Variants in KDM4C observed in about 807,000 individuals in gnomAD.
KDM4C encodes lysine-specific demethylase 4C.
A neutral mutation model predicts 129.3 loss-of-function variants in KDM4C; 81 were observed. The observed-to-expected ratio is 0.63, with a 90% CI of 0.52 to 0.75. KDM4C has a LOEUF of 0.75. Among genes scored for constraint, KDM4C ranks in the 30% least tolerant of loss-of-function variants. KDM4C has a pLI of 0.00. For synonymous variants in KDM4C, 573 were observed against 456.1 expected (o/e 1.26, Z -3.26); for missense variants, 1,457 against 1,304.0 (o/e 1.12, Z -1.81).
chr9:6,863,030 G>C (rs975050936), intron 5 of KDM4C, among the ~76,000 whole-genome samples: 3 of 151,504 alleles, frequency 2.0e-5, no homozygotes, highest in African/African-American at 7.3e-5. Context: ...ACCTATTTTG[G>C]GGTACACATT....
At chr9:6,926,725 G>A (rs11788956) in intron 8 of KDM4C, among the ~76,000 whole-genome samples, 1,574 of 152,274 alleles carry the variant, frequency 0.01, 38 homozygotes, top group African/African-American at 0.035. Flanking sequence ...CAGAAATCCA[G>A]CAACATTGGG....
chr9:6,995,954 C>G (rs538502892), intron 12 of KDM4C, among the ~76,000 whole-genome samples: 16 of 152,180 alleles, frequency 1.1e-4, no homozygotes, highest in African/African-American at 3.6e-4. Context: ...AGGCGTGAGC[C>G]ACCGCGCCCG....
At position 6,734,288 on chromosome 9, in the gene KDM4C, GT is replaced by G. The variant is rs57329090; in HGVS notation, c.49+13315del. ...GGAAAGTTATGTAAACCCATGTTTG[GT>G]TTTTTTTTTTTTTTTTTTTTTTTAG... On this transcript the variant is annotated intron_variant, in intron 1 of 17. Coordinates refer to the KDM4C transcript ENST00000536108. Among the ~76,000 whole-genome samples, 870 of 110,284 alleles carry G rather than the reference GT, an allele frequency of 7.9e-3. 9 individuals carry two copies. The highest frequency in any genetic ancestry group is 0.026 in the South Asian group (83 of 3,252). 72.4% of individuals were successfully genotyped at this position (110,284 alleles called of 152,430 possible). A position where few individuals can be genotyped will look rare whatever the true frequency, so the allele number is the denominator to read the frequency against.
chr9:7,016,304 T>C (rs1823666536), intron 15 of KDM4C, among the ~76,000 whole-genome samples: 1 of 152,104 alleles, frequency 6.6e-6, no homozygotes, highest in Non-Finnish European at 1.5e-5. Flanking sequence ...ATTTTTTGTA[T>C]TTTTAGTAGA....
At chr9:6,812,387 A>G (rs1489585644) in intron 3 of KDM4C, among the ~76,000 whole-genome samples, 1 of 152,122 alleles carries the variant, frequency 6.6e-6, no homozygotes, top group Non-Finnish European at 1.5e-5. Context: ...CTCCTTTCTG[A>G]TCATTCTGTG....
intron 1 of KDM4C, chr9:6,735,120 A>G (rs1017566235): frequency 6.6e-5 from 22 of 334,734 alleles, no homozygotes; most frequent in South Asian, 6.1e-4. Flanking sequence ...CTAGGGGACA[A>G]TTAGGCAAAG....
Position 6,975,961 on chromosome 9 carries a change from C to T in KDM4C, c.922-4964C>T, listed in dbSNP as rs575919532. ...GCTGAGGCAGGAGAATCGCTTCAAC[C>T]AGGGAGGGAGAGGTTGCAGTGAGCC... On this transcript the variant is annotated intron_variant, in intron 8 of 21. Coordinates refer to ENST00000381309, the MANE Select transcript of KDM4C (RefSeq NM_015061.6). Among the ~76,000 whole-genome samples the T allele has an allele frequency of 2.7e-3, 404 of 152,322 alleles. 2 individuals are homozygous for T. The highest frequency in any genetic ancestry group is 9.5e-3 in the African/African-American group (393 of 41,572).
intron 18 of KDM4C, among the ~76,000 whole-genome samples, chr9:7,107,642 A>T (rs1745168913): frequency 6.6e-6 from 1 of 152,194 alleles, no homozygotes; most frequent in Non-Finnish European, 1.5e-5. Flanking sequence ...TTTTCTTAAT[A>T]TTCTTTCCTC....
At chr9:6,999,739 G>A (rs528678183) in intron 12 of KDM4C, among the ~76,000 whole-genome samples, 96 of 108,618 alleles carry the variant, frequency 8.8e-4, no homozygotes, top group African/African-American at 3.4e-3. Context: ...TCTGCTTTAG[G>A]GTAGGCAGGC....
At chr9:6,951,502 T>C (rs958831356) in intron 8 of KDM4C, among the ~76,000 whole-genome samples, 5 of 152,190 alleles carry the variant, frequency 3.3e-5, no homozygotes, top group Admixed American at 2.6e-4. Context: ...GGGAGTCGGC[T>C]TTCTATGAAA....
At chr9:6,808,164 T>C (rs1830479178) in intron 3 of KDM4C, among the ~76,000 whole-genome samples, 1 of 61,016 alleles carries the variant, frequency 1.6e-5, no homozygotes, top group South Asian at 6.3e-4. Flanking sequence ...GGAGCTCCTC[T>C]GCCCGGCCAC....
chr9:7,002,739 A>G (rs187622093), intron 12 of KDM4C, among the ~76,000 whole-genome samples: 5 of 152,328 alleles, frequency 3.3e-5, no homozygotes, highest in African/African-American at 1.2e-4. Flanking sequence ...TGATGCTAGC[A>G]TCATTTTTAC....
intron 8 of KDM4C, among the ~76,000 whole-genome samples, chr9:6,919,439 C>T (rs1352240055): frequency 3.3e-5 from 5 of 151,616 alleles, no homozygotes; most frequent in African/African-American, 1.2e-4. Flanking sequence ...CTTAATCCCT[C>T]TTTCCATCTT....
intron 18 of KDM4C, among the ~76,000 whole-genome samples, chr9:7,125,704 T>A (rs1839963634): frequency 6.6e-6 from 1 of 152,220 alleles, no homozygotes; most frequent in Admixed American, 6.5e-5. Flanking sequence ...TAAATATCCA[T>A]GCAAGAAAAG....
At chr9:6,810,872 CAAAA>C (rs923320754) in intron 3 of KDM4C, among the ~76,000 whole-genome samples, 81 of 151,388 alleles carry the variant, frequency 5.4e-4, no homozygotes, top group African/African-American at 1.7e-3. Flanking sequence ...ACCCTGTCTC[CAAAA>C]AAATAAATAA....
intron 2 of KDM4C, among the ~76,000 whole-genome samples, chr9:6,793,750 C>G (rs1224950143): frequency 1.3e-5 from 2 of 152,068 alleles, no homozygotes; most frequent in Non-Finnish European, 2.9e-5. Context: ...ACCATGTTGG[C>G]CAGGCTGGTC....
chr9:6,721,576 G>A (rs1023676123), intron 1 of KDM4C, among the ~76,000 whole-genome samples: 4 of 145,928 alleles, frequency 2.7e-5, no homozygotes, highest in Non-Finnish European at 4.5e-5. Context: ...GAGCCACCAT[G>A]CCCGGCCCTC....
intron 19 of KDM4C, among the ~76,000 whole-genome samples, chr9:7,153,979 C>A (rs1035234620): frequency 2.0e-5 from 3 of 152,282 alleles, no homozygotes; most frequent in Middle Eastern, 3.4e-3. Context: ...AGAATTCTCT[C>A]TTCTACTTGT....
At chr9:6,750,813 T>C (rs572428113) in intron 1 of KDM4C, among the ~76,000 whole-genome samples, 1 of 152,294 alleles carries the variant, frequency 6.6e-6, no homozygotes, top group East Asian at 1.9e-4. Context: ...CAGTGGTTTA[T>C]CATTTTTTAC....
Sources: allele counts gnomAD v4.1 joint callset (sites outside exome capture counted in the v4.1 genomes callset), GRCh38; gene constraint gnomAD v4.1.1; transcripts MANE v1.5; gene names NCBI Gene and HGNC (gene_info 2026-07-23, HGNC 2026-07-21).